Variants in DIPK1C observed in about 807,000 individuals in gnomAD.
The protein encoded by DIPK1C is familial non-conventional Alzheimer's dementia.
Under a neutral mutation model 28.0 loss-of-function variants are expected in DIPK1C, and 33 were observed. The ratio of observed to expected loss-of-function variants is 1.18; its 90% confidence interval spans 0.89 to 1.58. The LOEUF is 1.58. Among genes scored for constraint, DIPK1C ranks in the 40% most tolerant of loss-of-function variants. The pLI is 0.00. For synonymous variants in DIPK1C, 255 were observed against 248.8 expected, an observed-to-expected ratio of 1.02 and a Z score of -0.23; for missense variants, 569 against 568.5, an observed-to-expected ratio of 1.00 and a Z score of -0.01.
intron 2 of DIPK1C, among the ~76,000 whole-genome samples, chr18:74,445,543 C>T (rs1440362527): frequency 1.3e-5 from 2 of 152,226 alleles, no homozygotes; most frequent in East Asian, 3.8e-4. Context: ...AAGACCATGC[C>T]ATTCCTATGC....
At chr18:74,463,427 T>C in the DIPK1C span, among the ~76,000 whole-genome samples, 5 of 152,328 alleles carry the variant, frequency 3.3e-5, no homozygotes, top group African/African-American at 9.6e-5. Context: ...ACTGCATTCA[T>C]TGGGACTAAG....
intron 1 of DIPK1C, among the ~76,000 whole-genome samples, chr18:74,452,811 C>T (rs1986427985): frequency 6.6e-6 from 1 of 151,816 alleles, no homozygotes; most frequent in Non-Finnish European, 1.5e-5. Flanking sequence ...TTTTTTTTAA[C>T]TCAATAGAAG....
At chr18:74,450,359 C>T (rs1292313497) in intron 1 of DIPK1C, among the ~76,000 whole-genome samples, 1 of 152,080 alleles carries the variant, frequency 6.6e-6, no homozygotes, top group African/African-American at 2.4e-5. Context: ...AAGTAGAGAA[C>T]CATTGAAAAA....
upstream of DIPK1C, among the ~76,000 whole-genome samples, chr18:74,460,574 G>C (rs947204452): frequency 6.6e-6 from 1 of 152,218 alleles, no homozygotes; most frequent in African/African-American, 2.4e-5. Flanking sequence ...TGTTATTAAA[G>C]AGAAGAATTA....
chr18:74,436,717 G>T lies in DIPK1C; in HGVS notation c.1044C>A (p.Val348=). 6.2e-7 allele frequency: 1 copy of T among 1,610,242 alleles called. No homozygotes were observed. The highest frequency in any genetic ancestry group is 1.1e-5 in the South Asian group (1 of 90,328). ...GAQRVNNNLQ[V]ICDKIFRHWF... ...AATGGCGAAATATTTTGTCACAGAT[G>T]ACCTGAGGGAAAGAAGGGTGGACAG... is the stretch of plus-strand genomic sequence containing the variant. The change falls in exon 4 of 4, where the codon GTC becomes GTA. Residue 348 remains valine (V), a splice_region_variant and synonymous_variant. Transcript: ENST00000343998.
intron 2 of DIPK1C, among the ~76,000 whole-genome samples, chr18:74,443,208 C>T (rs1296762112): frequency 1.3e-5 from 2 of 152,190 alleles, no homozygotes; most frequent in Non-Finnish European, 2.9e-5. Context: ...GAGAGAATAA[C>T]TTCTAAATTA....
intron 2 of DIPK1C, among the ~76,000 whole-genome samples, chr18:74,445,670 G>A (rs1986243338): frequency 6.6e-6 from 1 of 152,214 alleles, no homozygotes; most frequent in Non-Finnish European, 1.5e-5. Flanking sequence ...TGACCAGCAT[G>A]CCCAGGTGAC....
chr18:74,462,887 C>T (rs952289742), upstream of DIPK1C, among the ~76,000 whole-genome samples: 3 of 152,184 alleles, frequency 2.0e-5, no homozygotes, highest in African/African-American at 7.2e-5. Flanking sequence ...CTAGAAGTCA[C>T]CCTGCAATTT....
intron 2 of DIPK1C, among the ~76,000 whole-genome samples, chr18:74,442,548 C>G (rs542850383): frequency 2.0e-5 from 3 of 152,168 alleles, no homozygotes; most frequent in African/African-American, 7.2e-5. Context: ...CCAGGATGGT[C>G]TCGATCTCCT....
chr18:74,438,075 A>G (rs1986038446), intron 3 of DIPK1C, among the ~76,000 whole-genome samples: 1 of 152,164 alleles, frequency 6.6e-6, no homozygotes, highest in African/African-American at 2.4e-5. Context: ...TATATTTTGT[A>G]GAGACAGGGT....
At chr18:74,450,493 GAGGAGGCTC>G (rs1213336830) in intron 1 of DIPK1C, among the ~76,000 whole-genome samples, 2 of 152,218 alleles carry the variant, frequency 1.3e-5, no homozygotes, top group African/African-American at 4.8e-5. Context: ...GCAACTGAGA[GAGGAGGCTC>G]AGGAGAAAAA....
chr18:74,451,079 T>C (rs745337488), intron 1 of DIPK1C, among the ~76,000 whole-genome samples: 16 of 152,206 alleles, frequency 1.1e-4, no homozygotes, highest in South Asian at 4.1e-4. Flanking sequence ...GGGCATCTTC[T>C]TCCTGGGGGA....
intron 1 of DIPK1C, among the ~76,000 whole-genome samples, chr18:74,454,675 GACAGAGGCTC>G (rs1364772360): frequency 2.0e-5 from 3 of 152,214 alleles, no homozygotes; most frequent in African/African-American, 7.2e-5. Context: ...GGGGAGCGGA[GACAGAGGCTC>G]AATTCAGTTC....
rs1231987950 is a variant in DIPK1C at position 74,446,762 on chromosome 18, C to T, written c.720G>A (p.Arg240=). The change falls in exon 2 of 4, where the codon CGG becomes CGA. Residue 240 remains arginine, a synonymous_variant. Coordinates refer to ENST00000343998, the MANE Select transcript of DIPK1C (RefSeq NM_001044369.3). The stretch of plus-strand genomic sequence containing the variant: ...GGCCACCCCCAGGGGCACCTGGGGC[C>T]CGGTCCAGGGGGAAGAGTGCCCTGT... ...PHHRALFPLD[R]APGAPGGGQA... 10 of 1,524,298 alleles carry T rather than the reference C, an allele frequency of 6.6e-6. No individual in the cohort carries two copies. Among genetic ancestry groups the T allele is most frequent in the Non-Finnish European group, 8.8e-6 (10 of 1,133,394 alleles). The allele number at this position is 1,524,298 out of a possible 1,614,324, so 94.4% of individuals were successfully genotyped here. A position where few individuals can be genotyped will look rare whatever the true frequency, so the allele number is the denominator to read the frequency against.
intron 2 of DIPK1C, among the ~76,000 whole-genome samples, chr18:74,444,162 C>T (rs1409107165): frequency 6.6e-6 from 1 of 152,110 alleles, no homozygotes; most frequent in African/African-American, 2.4e-5. Flanking sequence ...CTCCTGGCAT[C>T]AGAGGAGGAA....
Position 74,441,951 on chromosome 18 carries a change from C to T in DIPK1C, c.1041+1G>A, listed in dbSNP as rs756500801. On this transcript the variant is annotated splice_donor_variant, in intron 3 of 3. Coordinates refer to ENST00000343998, the MANE Select transcript of DIPK1C (RefSeq NM_001044369.3). LOFTEE classifies it high-confidence loss of function. Reference sequence around the variant, plus strand: ...CCCCCAGCCCTGGCGGACTCTCATACCTGCAGGTTGTTGTTTACGCGCTGC... The same window carrying T: ...CCCCCAGCCCTGGCGGACTCTCATATCTGCAGGTTGTTGTTTACGCGCTGC... 5.0e-6 allele frequency: 8 copies of T among 1,612,746 alleles called. No homozygotes were observed. Among genetic ancestry groups the T allele is most frequent in the South Asian group, 3.3e-5 (3 of 90,922 alleles).
At chr18:74,443,570 A>G (rs1986192543) in intron 2 of DIPK1C, among the ~76,000 whole-genome samples, 1 of 152,214 alleles carries the variant, frequency 6.6e-6, no homozygotes, top group Admixed American at 6.5e-5. Flanking sequence ...ATTTAGTAAA[A>G]CAGAGTAGGG....
At chr18:74,458,920 C>A (rs1268961365), upstream of DIPK1C, among the ~76,000 whole-genome samples, 1 of 146,724 alleles carries the variant, frequency 6.8e-6, no homozygotes, top group Non-Finnish European at 1.5e-5. Context: ...TTGAGGCCAA[C>A]AGTTTGAAAC....
intron 3 of DIPK1C, among the ~76,000 whole-genome samples, chr18:74,441,330 C>G (rs1241094948): frequency 6.6e-6 from 1 of 152,124 alleles, no homozygotes; most frequent in East Asian, 1.9e-4. Context: ...CCAGATGCAT[C>G]CTCCCTCACC....
Sources: allele counts gnomAD v4.1 joint callset (sites outside exome capture counted in the v4.1 genomes callset), GRCh38; gene constraint gnomAD v4.1.1; transcripts MANE v1.5; gene names NCBI Gene and HGNC (gene_info 2026-07-23, HGNC 2026-07-21).